The following NCAM2 variants were observed in gnomAD, a reference collection of about 807,000 sequenced individuals.
The protein encoded by NCAM2 is N-CAM-2.
Under a neutral mutation model 98.1 loss-of-function variants are expected in NCAM2, and 30 were observed. The ratio of observed to expected loss-of-function variants is 0.31; its 90% confidence interval spans 0.23 to 0.41. The LOEUF (loss-of-function observed/expected upper bound fraction) is 0.41, where lower values mean the gene tolerates loss of function less well. Ranked by LOEUF, NCAM2 falls within the 10% of genes least tolerant of loss-of-function variation. The pLI is 1.00. For synonymous variants in NCAM2, 368 were observed against 342.4 expected (o/e 1.07, Z -0.83); for missense variants, 867 against 1,005.8 (o/e 0.86, Z 1.87).
intron 9 of NCAM2, among the ~76,000 whole-genome samples, chr21:21,390,976 C>A (rs991077055): frequency 6.6e-6 from 1 of 152,134 alleles, no homozygotes; most frequent in African/African-American, 2.4e-5. Flanking sequence ...AACAATATTT[C>A]TGTAAGTTGT....
chr21:21,359,061 A>C (rs1172943665), intron 8 of NCAM2, among the ~76,000 whole-genome samples: 4 of 152,034 alleles, frequency 2.6e-5, no homozygotes, highest in African/African-American at 9.6e-5. Flanking sequence ...GCTGAACAAC[A>C]TACCACCAGT....
chr21:21,496,821 T>A (rs1371369539), intron 15 of NCAM2, among the ~76,000 whole-genome samples: 1 of 152,140 alleles, frequency 6.6e-6, no homozygotes, highest in Non-Finnish European at 1.5e-5. Flanking sequence ...AGATAAAATC[T>A]TCTGCATTGG....
chr21:21,138,388 G>A (rs977656961), intron 1 of NCAM2, among the ~76,000 whole-genome samples: 1 of 152,058 alleles, frequency 6.6e-6, no homozygotes, highest in Non-Finnish European at 1.5e-5. Flanking sequence ...TTGACCTGTC[G>A]TTTCTCCACA....
chr21:21,116,320 C>T lies in NCAM2; in HGVS notation c.55+117702C>T, dbSNP rs148212007. Among the ~76,000 whole-genome samples the T allele has an allele frequency of 6.0e-3, 908 of 152,084 alleles. 24 individuals carry two copies. The highest frequency in any genetic ancestry group is 0.022 in the East Asian group (111 of 5,158). ...ACTTGACTACTACACATTGCTAGAT[C>T]CCATGAGAGATTATATAAATTAAAT... On this transcript the variant is annotated intron_variant, in intron 1 of 17. Transcript: ENST00000400546.
chr21:21,271,870 A>G (rs1478709894), intron 1 of NCAM2, among the ~76,000 whole-genome samples: 1 of 152,160 alleles, frequency 6.6e-6, no homozygotes, highest in Non-Finnish European at 1.5e-5. Flanking sequence ...CAGGAAGGGG[A>G]ACATCACACA....
intron 5 of NCAM2, among the ~76,000 whole-genome samples, chr21:21,313,354 G>C (rs1346804586): frequency 2.0e-5 from 3 of 151,368 alleles, no homozygotes; most frequent in African/African-American, 7.3e-5. Context: ...GTCAGATTTT[G>C]CTTTATATAT....
rs985459293 is a variant in NCAM2 at position 21,207,020 on chromosome 21, C to T, written c.56-73558C>T. Reference sequence around the variant, plus strand: ...TATCTCAACAAGCCAAAACCACATCCGTTCACATTTTTAAGAATTTTCACA... The same window carrying T: ...TATCTCAACAAGCCAAAACCACATCTGTTCACATTTTTAAGAATTTTCACA... On this transcript the variant is annotated intron_variant, in intron 1 of 17. Coordinates refer to ENST00000400546, the MANE Select transcript of NCAM2 (RefSeq NM_004540.5). Among the ~76,000 whole-genome samples, 24 of 152,126 alleles carry T rather than the reference C, an allele frequency of 1.6e-4. 1 individual carries two copies. Among genetic ancestry groups the T allele is most frequent in the Middle Eastern group, 3.4e-3 (1 of 294 alleles).
At chr21:21,289,961 G>A (rs1052647170) in intron 4 of NCAM2, 7 of 151,952 alleles carry the variant, frequency 4.6e-5, no homozygotes, top group African/African-American at 9.6e-5. Context: ...ATTAAATAAC[G>A]ATAAACAGAG....
intron 16 of NCAM2, among the ~76,000 whole-genome samples, chr21:21,532,815 G>A (rs1380578828): frequency 6.6e-6 from 1 of 152,068 alleles, no homozygotes; most frequent in African/African-American, 2.4e-5. Context: ...AAGATCCAGT[G>A]GTGGTGGGCT....
At chr21:21,417,122 T>G (rs2077011115) in intron 10 of NCAM2, among the ~76,000 whole-genome samples, 1 of 152,114 alleles carries the variant, frequency 6.6e-6, no homozygotes, top group Non-Finnish European at 1.5e-5. Context: ...TCACATTTCT[T>G]TGTTGTGGCT....
intron 4 of NCAM2, among the ~76,000 whole-genome samples, chr21:21,287,743 T>G (rs573656424): frequency 3.3e-5 from 5 of 152,034 alleles, no homozygotes; most frequent in African/African-American, 1.2e-4. Flanking sequence ...AGAAGTGATA[T>G]TTCCATGCTA....
At chr21:21,251,744 G>T (rs1169088484) in intron 1 of NCAM2, among the ~76,000 whole-genome samples, 49 of 143,566 alleles carry the variant, frequency 3.4e-4, no homozygotes, top group African/African-American at 1.1e-3. Context: ...ACTTTTTGAT[G>T]TTTTTTTTTT....
At chr21:21,252,043 T>C (rs565366008) in intron 1 of NCAM2, among the ~76,000 whole-genome samples, 15 of 152,184 alleles carry the variant, frequency 9.9e-5, no homozygotes, top group African/African-American at 3.6e-4. Flanking sequence ...GTTCAAAGGA[T>C]ATGAACAGAC....
intron 1 of NCAM2, among the ~76,000 whole-genome samples, chr21:21,269,900 G>T (rs2072429503): frequency 6.6e-6 from 1 of 152,070 alleles, no homozygotes; most frequent in Non-Finnish European, 1.5e-5. Flanking sequence ...TGAAAGAAAG[G>T]AAGGCAAAAC....
At chr21:21,096,134 C>G (rs6417723) in intron 1 of NCAM2, among the ~76,000 whole-genome samples, 1 of 151,338 alleles carries the variant, frequency 6.6e-6, no homozygotes, top group Non-Finnish European at 1.5e-5. Flanking sequence ...ATTAATACTT[C>G]GGATAATGCC....
intron 1 of NCAM2, among the ~76,000 whole-genome samples, chr21:21,028,980 CTG>C (rs1056924345): frequency 1.4e-4 from 22 of 152,056 alleles, no homozygotes; most frequent in African/African-American, 5.3e-4. Context: ...GCATGGAAAA[CTG>C]TTATAATTTT....
intron 1 of NCAM2, among the ~76,000 whole-genome samples, chr21:21,273,814 A>G (rs2072619507): frequency 6.6e-6 from 1 of 152,122 alleles, no homozygotes; most frequent in Non-Finnish European, 1.5e-5. Context: ...GTTTAGGATG[A>G]AACTTTATTA....
chr21:21,151,797 T>G (rs2067456613), intron 1 of NCAM2, among the ~76,000 whole-genome samples: 1 of 152,036 alleles, frequency 6.6e-6, no homozygotes, highest in African/African-American at 2.4e-5. Context: ...GTTTCCATTC[T>G]TTTCTTGTTT....
Position 21,211,610 on chromosome 21 carries a change from AAC to A in NCAM2, c.56-68964_56-68963del, listed in dbSNP as rs528517351. ...ATGCTGCAGGAAAAACAAAACAAAC[AAC>A]ACAACAACAACAACAAAACAAAACA... On this transcript the variant is annotated intron_variant, in intron 1 of 17. Transcript: ENST00000400546. Among the ~76,000 whole-genome samples the A allele has an allele frequency of 1.8e-3, 271 of 152,302 alleles. 2 individuals carry two copies. The highest frequency in any genetic ancestry group is 4.5e-3 in the Admixed American group (69 of 15,304).
Sources: allele counts gnomAD v4.1 joint callset (sites outside exome capture counted in the v4.1 genomes callset), GRCh38; gene constraint gnomAD v4.1.1; transcripts MANE v1.5; gene names NCBI Gene and HGNC (gene_info 2026-07-23, HGNC 2026-07-21).